The following ZNF395 variants were observed in gnomAD, a reference collection of about 807,000 sequenced individuals.
ZNF395 encodes zinc finger protein 395.
ZNF395 carries 20 observed loss-of-function variants against 57.7 expected under a neutral mutation model. The ratio of observed to expected loss-of-function variants is 0.35; its 90% CI spans 0.24 to 0.50. The LOEUF (loss-of-function observed/expected upper bound fraction) is 0.50. Among genes scored for constraint, ZNF395 ranks in the 20% least tolerant of loss-of-function variants. ZNF395 has a pLI of 0.97. For missense variants in ZNF395, 606 were observed against 671.2 expected (o/e 0.90, Z 1.07); for synonymous variants, 295 against 275.9 (o/e 1.07, Z -0.69).
At position 28,346,943 on chromosome 8, in the gene ZNF395, AT is replaced by A. The variant is rs540798465; in HGVS notation, c.*1775del. 4,800 of 140,012 alleles carry A rather than the reference AT, an allele frequency of 0.034. 97 individuals carry two copies. Among genetic ancestry groups the A allele is most frequent in the Non-Finnish European group, 0.05 (3,183 of 64,258 alleles). 8.7% of individuals were successfully genotyped at this position (140,012 alleles called of 1,614,324 possible). ...TACCAAGAGACAGAATTCCACATAC[AT>A]TTTTTTTTTTTTACTAAGTTATAAA... On this transcript the variant is annotated 3_prime_UTR_variant, in exon 10 of 10. Coordinates refer to ENST00000344423, the MANE Select transcript of ZNF395 (RefSeq NM_018660.3).
In ZNF395 at chr8:28,371,243, C is replaced by T. The variant is rs141136464; in HGVS notation, c.-58-10061G>A. Among the ~76,000 whole-genome samples, 731 of 152,328 alleles carry T rather than the reference C, an allele frequency of 4.8e-3. 9 individuals carry two copies. Among genetic ancestry groups the T allele is most frequent in the African/African-American group, 0.016 (675 of 41,586 alleles). ...CCACCCAGGCTGGAGTGCAGTCGCA[C>T]GATCACAGCTCACTGCGGCCTTGAC... On this transcript the variant is annotated intron_variant, in intron 1 of 9. Coordinates refer to ENST00000344423, the MANE Select transcript of ZNF395 (RefSeq NM_018660.3).
In ZNF395 at chr8:28,348,503, T is replaced by A. The variant is rs1378445458; in HGVS notation, c.*216A>T. The A allele has an allele frequency of 1.9e-6, 1 of 515,188 alleles. No individual in the cohort carries two copies. Among genetic ancestry groups the A allele is most frequent in the East Asian group, 3.7e-5 (1 of 26,964 alleles). 31.9% of individuals were successfully genotyped at this position (515,188 alleles called of 1,614,324 possible). ...TTGGTCAGTTTTGGCTCTCTCCTAT[T>A]TTAGGGGGAAAAATATTTTTGTTTC... On this transcript the variant is annotated 3_prime_UTR_variant, in exon 10 of 10. Transcript: ENST00000344423.
At chr8:28,382,573 C>A (rs905592279) in intron 1 of ZNF395, among the ~76,000 whole-genome samples, 6 of 152,156 alleles carry the variant, frequency 3.9e-5, no homozygotes, top group Admixed American at 2.6e-4. Flanking sequence ...TTTTTCCAAG[C>A]CCCACCAGCA....
chr8:28,350,840 C>T (rs902381124), intron 7 of ZNF395, among the ~76,000 whole-genome samples: 2 of 151,558 alleles, frequency 1.3e-5, no homozygotes, highest in African/African-American at 4.9e-5. Flanking sequence ...CTGCATGTTC[C>T]TTGAGTACCT....
intron 1 of ZNF395, among the ~76,000 whole-genome samples, chr8:28,381,043 G>GTGTGTGTGTC (rs1802103098): frequency 6.6e-6 from 1 of 150,954 alleles, no homozygotes; most frequent in Non-Finnish European, 1.5e-5. Context: ...GTGTGTGTGT[G>GTGTGTGTGTC]TGTGTGTGTG....
At position 28,347,692 on chromosome 8, in the gene ZNF395, G is replaced by A. The variant is rs1801622315; in HGVS notation, c.*1027C>T. The A allele has an allele frequency of 6.6e-6, 1 of 152,212 alleles. No individual in the cohort carries two copies. The allele number at this position is 152,212 out of a possible 1,614,324, so 9.4% of individuals were successfully genotyped here. ...TGCTTTCAGGCAGCAAACAGAAATGGGGAAATCCCTGGTGGGGCCAGGAGA... is the reference window on the plus strand; with the variant it reads ...TGCTTTCAGGCAGCAAACAGAAATGAGGAAATCCCTGGTGGGGCCAGGAGA... On this transcript the variant is annotated 3_prime_UTR_variant, in exon 10 of 10. Transcript: ENST00000344423.
At chr8:28,351,429 T>C (rs1801681104) in intron 7 of ZNF395, 66 bp downstream of exon 7, 1 of 1,498,268 alleles carries the variant, frequency 6.7e-7, no homozygotes, top group Admixed American at 2.2e-5. Context: ...GTCGGTAGCC[T>C]GTAATCAAGC....
chr8:28,385,602 G>A (rs1258403572), intron 1 of ZNF395, among the ~76,000 whole-genome samples: 1 of 150,030 alleles, frequency 6.7e-6, no homozygotes, highest in Non-Finnish European at 1.5e-5. Context: ...CGCGCCGGCC[G>A]GAGTGGGCAG....
Position 28,359,661 on chromosome 8 carries a change from G to A in ZNF395, c.404C>T (p.Pro135Leu), listed in dbSNP as rs761746254. The change falls in exon 3 of 10, where the codon CCA becomes CTA. Residue 135 changes from proline to leucine, a missense_variant. Coordinates refer to ENST00000344423, the MANE Select transcript of ZNF395 (RefSeq NM_018660.3). This position sits in a 1 kb window ranked among gnomAD's most constrained non-coding sequence, Gnocchi z 4.7. ...GGCCTGGGCTCCGGGCTCCAGGGGT[G>A]GTGCCTGGGGACAGGGGCCCTGCAG... ...AELQGPCPQAPPLEPGAQALA... is the reference protein window; with the variant it reads ...AELQGPCPQALPLEPGAQALA... 6.8e-6 allele frequency: 11 copies of A among 1,613,896 alleles called. No homozygotes were observed. Among genetic ancestry groups the A allele is most frequent in the Non-Finnish European group, 9.3e-6 (11 of 1,179,914 alleles).
Position 28,352,620 on chromosome 8 carries a change from C to G in ZNF395, c.873G>C (p.Leu291=). The change falls in exon 6 of 10, where the codon CTG becomes CTC. Residue 291 remains leucine, a synonymous_variant. Coordinates refer to ENST00000344423, the MANE Select transcript of ZNF395 (RefSeq NM_018660.3). The surrounding 1 kb of genome is among the most constrained non-coding windows in gnomAD (Gnocchi z 4.0). ...GTCGTTTGATGCCCACAATGGAGCG[C>G]AGAACTTTGCCACAGTTTGGCCACA... ...KCLWPNCGKV[L]RSIVGIKRHV... is the part of the protein sequence containing the mutation. The G allele has an allele frequency of 6.2e-7, 1 of 1,614,222 alleles. No individual in the cohort carries two copies. The highest frequency in any genetic ancestry group is 8.5e-7 in the Non-Finnish European group (1 of 1,180,036).
At position 28,346,634 on chromosome 8, in the gene ZNF395, C is replaced by A. The variant is rs1801605185; in HGVS notation, c.*2085G>T. On this transcript the variant is annotated 3_prime_UTR_variant, in exon 10 of 10. Coordinates refer to ENST00000344423, the MANE Select transcript of ZNF395 (RefSeq NM_018660.3). ...AAATCCGTATATCCAGTTATATCTA[C>A]ACGGTCCAAACTGGGGGCGGGGGGA... is the stretch of plus-strand genomic sequence containing the variant. 6.6e-6 allele frequency: 1 copy of A among 152,284 alleles called. No individual in the cohort carries two copies. The highest frequency in any genetic ancestry group is 2.1e-4 in the South Asian group (1 of 4,832). The allele number at this position is 152,284 out of a possible 1,614,324, so 9.4% of individuals were successfully genotyped here. A position where few individuals can be genotyped will look rare whatever the true frequency, so the allele number is the denominator to read the frequency against.
Position 28,348,574 on chromosome 8 carries a change from TTAAG to T in ZNF395, c.*141_*144del. On this transcript the variant is annotated 3_prime_UTR_variant, in exon 10 of 10. Transcript: ENST00000344423. Reference sequence around the variant, plus strand: ...GTTCGCACAATGGGAGAAAATTGCTTTAAGTGTTACACCTTAGCCAACAGAGCCC... The same window carrying T: ...GTTCGCACAATGGGAGAAAATTGCTTTGTTACACCTTAGCCAACAGAGCCC... 1.5e-6 allele frequency: 1 copy of T among 673,896 alleles called. No individual in the cohort carries two copies. The highest frequency in any genetic ancestry group is 2.6e-6 in the Non-Finnish European group (1 of 381,484). The allele number at this position is 673,896 out of a possible 1,614,324, so 41.7% of individuals were successfully genotyped here.
chr8:28,379,772 G>A (rs1802087160), intron 1 of ZNF395, among the ~76,000 whole-genome samples: 2 of 146,022 alleles, frequency 1.4e-5, no homozygotes, highest in Non-Finnish European at 3.0e-5. Context: ...ACCATAAAAA[G>A]TTTTAAAAAT....
At position 28,360,879 on chromosome 8, in the gene ZNF395, A is replaced by C. The variant is rs1475740471; in HGVS notation, c.240+6T>G. On this transcript the variant is annotated splice_donor_region_variant and intron_variant, in intron 2 of 9. Coordinates refer to ENST00000344423, the MANE Select transcript of ZNF395 (RefSeq NM_018660.3). ...GGGACACCTGTCCATGTTGGGATCA[A>C]CCTACCTTCTGCCCAGGCTGAAAGG... 1 of 1,613,250 alleles carries C rather than the reference A, an allele frequency of 6.2e-7. No homozygotes were observed. Among genetic ancestry groups the C allele is most frequent in the African/African-American group, 1.3e-5 (1 of 74,934 alleles).
chr8:28,357,113 CT>C (rs1801790206), intron 3 of ZNF395, among the ~76,000 whole-genome samples: 1 of 152,014 alleles, frequency 6.6e-6, no homozygotes, highest in African/African-American at 2.4e-5. Context: ...AACTCTGCAG[CT>C]TAAAAAAAGG....
Position 28,361,140 on chromosome 8 carries a change from C to T in ZNF395, c.-16G>A. On this transcript the variant is annotated 5_prime_UTR_variant, in exon 2 of 10. Coordinates refer to ENST00000344423, the MANE Select transcript of ZNF395 (RefSeq NM_018660.3). ...CACTCGCCATGCTGCTGCCTCTCCTCTCCTGCGGAGGCGAAGGGGACACTG... is the reference window on the plus strand; with the variant it reads ...CACTCGCCATGCTGCTGCCTCTCCTTTCCTGCGGAGGCGAAGGGGACACTG... The T allele has an allele frequency of 6.2e-7, 1 of 1,610,752 alleles. No individual in the cohort carries two copies. The highest frequency in any genetic ancestry group is 8.5e-7 in the Non-Finnish European group (1 of 1,180,010).
In ZNF395 at chr8:28,350,074, G is replaced by A; in HGVS notation, c.1316C>T (p.Ser439Phe). Residue 439 changes from serine (S) to phenylalanine (F), a missense_variant, in exon 8 of 10, where the codon TCT becomes TTT. Ser to Phe is a radical substitution (Grantham distance 155). This residue lies in a region of ZNF395 where 261 missense variants were observed against 240.3 expected (regional missense o/e 1.09). Transcript: ENST00000344423. ...SWAAAPSAAC[S>F]LSPVRSRSLS... The stretch of plus-strand genomic sequence containing the variant: ...TGCCCGCACACTCACCGGAGAGAGA[G>A]AGCAGGCGGCGGAGGGGGCAGCAGC... The A allele has an allele frequency of 1.2e-6, 2 of 1,602,736 alleles. No homozygotes were observed. Among genetic ancestry groups the A allele is most frequent in the Non-Finnish European group, 1.7e-6 (2 of 1,176,754 alleles).
rs1801787715 is a variant in ZNF395 at position 28,356,929 on chromosome 8, C to G, written c.474-150G>C. ...CCAAGTGCCCCCAACTCCAATCAGC[C>G]AGTGTGTGCTCAGATCATATAAACT... On this transcript the variant is annotated intron_variant, in intron 3 of 9. Coordinates refer to ENST00000344423, the MANE Select transcript of ZNF395 (RefSeq NM_018660.3). The surrounding 1 kb of genome is among the most constrained non-coding windows in gnomAD (Gnocchi z 4.0). 1 of 629,464 alleles carries G rather than the reference C, an allele frequency of 1.6e-6. No homozygotes were observed. The highest frequency in any genetic ancestry group is 2.8e-5 in the Admixed American group (1 of 36,280). 39.0% of individuals were successfully genotyped at this position (629,464 alleles called of 1,614,324 possible).
intron 1 of ZNF395, among the ~76,000 whole-genome samples, chr8:28,367,636 G>A (rs1227680680): frequency 1.3e-5 from 2 of 152,090 alleles, no homozygotes; most frequent in South Asian, 2.1e-4. Flanking sequence ...TCTCAGAAAC[G>A]CAGTGCCTTT....
Sources: gnomAD v4.1 joint callset for allele counts (sites outside exome capture counted in the v4.1 genomes callset) on GRCh38, gnomAD v4.1.1 for gene constraint, gnomAD v4.1.1 regional missense constraint, Gnocchi (gnomAD v3.1) non-coding constraint, MANE v1.5 for transcripts, NCBI Gene and HGNC (gene_info 2026-07-23, HGNC 2026-07-21) for gene names.